The following ANKRD24 variants were observed in gnomAD, a reference collection of about 807,000 sequenced individuals.
The protein encoded by ANKRD24 is ankyrin repeat domain 24.
ANKRD24 carries 109 observed loss-of-function variants against 127.8 expected under a neutral mutation model. That is an observed-to-expected ratio of 0.85 (90% CI 0.73 to 1.00). ANKRD24 has a LOEUF of 1.00. Ranked by LOEUF, ANKRD24 falls within the 50% of genes least tolerant of loss-of-function variation. The pLI, the probability that ANKRD24 is intolerant of heterozygous loss-of-function variation, is 0.00. For synonymous variants in ANKRD24, 743 were observed against 671.1 expected, an observed-to-expected ratio of 1.11 and a Z score of -1.66; for missense variants, 1,648 against 1,570.2, an observed-to-expected ratio of 1.05 and a Z score of -0.84.
In ANKRD24 at chr19:4,200,151, T is replaced by A; in HGVS notation, c.323T>A (p.Val108Asp). The change falls in exon 5 of 22, where the codon GTC (valine) becomes GAC (aspartate). Residue 108 changes from valine (V) to aspartate (D), a missense_variant. Physicochemically the swap from Val to Asp is radical, Grantham distance 152. Coordinates refer to ENST00000318934, the MANE Select transcript of ANKRD24 (RefSeq NM_001393985.1). ...GTGATGATAGCTCATGGCAGCAATGTCATGAGCGCGGACGGGGCAGGTACT... is the reference window on the plus strand; with the variant it reads ...GTGATGATAGCTCATGGCAGCAATGACATGAGCGCGGACGGGGCAGGTACT... ...LEVMIAHGSN[V>D]MSADGAGYNA... 1 of 1,606,802 alleles carries A rather than the reference T, an allele frequency of 6.2e-7. No homozygotes were observed. The highest frequency in any genetic ancestry group is 8.5e-7 in the Non-Finnish European group (1 of 1,177,104).
Position 4,217,589 on chromosome 19 carries a change from C to A in ANKRD24, c.2429C>A (p.Ala810Glu). 7.7e-7 allele frequency: 1 copy of A among 1,305,906 alleles called. No homozygotes were observed. Among genetic ancestry groups the A allele is most frequent in the Non-Finnish European group, 9.7e-7 (1 of 1,031,834 alleles). The allele number at this position is 1,305,906 out of a possible 1,614,324, so 80.9% of individuals were successfully genotyped here. The change falls in exon 18 of 22, where the codon GCG becomes GAG. Residue 810 changes from alanine to glutamate, a missense_variant. Physicochemically the swap from Ala to Glu is moderately radical, Grantham distance 107. Coordinates refer to ENST00000318934, the MANE Select transcript of ANKRD24 (RefSeq NM_001393985.1). ...GACTCCCGCCTGCGGGAGCTGGAGG[C>A]GGCCTCGGCCTGCCTGGATGAGGCT... is the stretch of plus-strand genomic sequence containing the variant. ...DRDSRLRELE[A>E]ASACLDEARA...
Position 4,199,604 on chromosome 19 carries a change from TG to T in ANKRD24, c.37-74del. The T allele has an allele frequency of 6.8e-7, 1 of 1,460,946 alleles. No individual in the cohort carries two copies. The highest frequency in any genetic ancestry group is 9.0e-7 in the Non-Finnish European group (1 of 1,112,226). 90.5% of individuals were successfully genotyped at this position (1,460,946 alleles called of 1,614,324 possible). A position where few individuals can be genotyped will look rare whatever the true frequency, so the allele number is the denominator to read the frequency against. On this transcript the variant is annotated intron_variant, in intron 2 of 21. Coordinates refer to ENST00000318934, the MANE Select transcript of ANKRD24 (RefSeq NM_001393985.1). This position sits in a 1 kb window ranked among gnomAD's most constrained non-coding sequence, Gnocchi z 5.2. ...TGTTGGACAACTGGGGTGATGGGCC[TG>T]GGGGCAGATGCTGGGGGTCGCAGGC...
chr19:4,203,050 TTC>T, intron 7 of ANKRD24, 124 bp downstream of exon 7: 4 of 834,462 alleles, frequency 4.8e-6, no homozygotes, highest in Non-Finnish European at 7.1e-6. Flanking sequence ...CTTTCTTTCT[TTC>T]TTTTTTTTTT....
rs1413948266 is a variant in ANKRD24, at chr19:4,216,753, T to G, written c.1593T>G (p.Val531=). 1 of 1,582,286 alleles carries G rather than the reference T, an allele frequency of 6.3e-7. No homozygotes were observed. The highest frequency in any genetic ancestry group is 1.1e-5 in the South Asian group (1 of 86,990). Reference sequence around the variant, plus strand: ...GGGCAGCCTGTGGGGAGAGTGAGGTTGCTGGAGCCACGGCCACCAAAAACG... The same window carrying G: ...GGGCAGCCTGTGGGGAGAGTGAGGTGGCTGGAGCCACGGCCACCAAAAACG... The part of the protein sequence containing the change: ...EEGAACGESE[V]AGATATKNGP... The change falls in exon 18 of 22, where the codon GTT becomes GTG. Residue 531 remains valine, a synonymous_variant. Transcript: ENST00000318934.
At position 4,216,706 on chromosome 19, in the gene ANKRD24, C is replaced by T. The variant is rs979241268; in HGVS notation, c.1546C>T (p.Arg516Ter). Residue 516 changes from arginine to a stop codon, truncating the protein, a stop_gained, in exon 18 of 22, where the codon CGA becomes TGA. Coordinates refer to ENST00000318934, the MANE Select transcript of ANKRD24 (RefSeq NM_001393985.1). LOFTEE classifies it high-confidence loss of function. ...GCAGGCCCTGAGGCAGCAGGAGACA[C>T]GAGAGGTCCCCAGAGAAGAGGGGGC... ...ALQALRQQET[R>*]EVPREEGAAC... 3.7e-5 allele frequency: 58 copies of T among 1,580,238 alleles called. No individual in the cohort carries two copies. Among genetic ancestry groups the T allele is most frequent in the Non-Finnish European group, 4.8e-5 (56 of 1,163,700 alleles).
At chr19:4,218,400 A>G in intron 18 of ANKRD24, among the ~76,000 whole-genome samples, 1 of 151,736 alleles carries the variant, frequency 6.6e-6, no homozygotes, top group East Asian at 1.9e-4. Flanking sequence ...TCCCGGTTCA[A>G]GTGATTCTCC....
At chr19:4,209,066 T>C (rs1485015085) in intron 11 of ANKRD24, 3 of 398,742 alleles carry the variant, frequency 7.5e-6, no homozygotes, top group Admixed American at 8.6e-5. Flanking sequence ...GGTTGGTGTC[T>C]TCGGGGAAGG....
rs747619057 is a variant in ANKRD24, at chr19:4,219,670, G to C, written c.3083G>C (p.Arg1028Pro). The C allele has an allele frequency of 1.2e-6, 2 of 1,613,812 alleles. No homozygotes were observed. Among genetic ancestry groups the C allele is most frequent in the Non-Finnish European group, 1.7e-6 (2 of 1,179,824 alleles). ...AQLATAEQQL[R>P]GLRTEAERAR... The stretch of plus-strand genomic sequence containing the variant: ...CTGGCCACAGCAGAGCAGCAGCTAC[G>C]GGGGCTACGGACCGAGGCGGAAAGG... The change falls in exon 19 of 22, where the codon CGG becomes CCG. Residue 1028 changes from arginine (R) to proline (P), a missense_variant. Coordinates refer to ENST00000318934, the MANE Select transcript of ANKRD24 (RefSeq NM_001393985.1).
rs1397529646 is a variant in ANKRD24, at chr19:4,224,120, C to G, written c.3298-7C>G. 1.9e-6 allele frequency: 3 copies of G among 1,611,744 alleles called. No individual in the cohort carries two copies. Among genetic ancestry groups the G allele is most frequent in the South Asian group, 2.2e-5 (2 of 90,854 alleles). Reference sequence around the variant, plus strand: ...CTCTTCTGAGCGCCCCTTCCTCATGCCCACAGGAAGCTGCCAGGGACCACT... The same window carrying G: ...CTCTTCTGAGCGCCCCTTCCTCATGGCCACAGGAAGCTGCCAGGGACCACT... On this transcript the variant is annotated splice_region_variant and splice_polypyrimidine_tract_variant and intron_variant, in intron 20 of 21. Coordinates refer to ENST00000318934, the MANE Select transcript of ANKRD24 (RefSeq NM_001393985.1).
chr19:4,206,027 A>C (rs1969361298), intron 7 of ANKRD24, among the ~76,000 whole-genome samples: 1 of 151,694 alleles, frequency 6.6e-6, no homozygotes, highest in Non-Finnish European at 1.5e-5. Flanking sequence ...CTGTAGTCCC[A>C]GCTACTCGGG....
At position 4,198,214 on chromosome 19, in the gene ANKRD24, G is replaced by A; in HGVS notation, c.37-1469G>A. Reference sequence around the variant, plus strand: ...GTCCTCCTCATCCTCCAGGCGACAAGGTCAGGAGGGGCCGGGGCGGCGCCC... The same window carrying A: ...GTCCTCCTCATCCTCCAGGCGACAAAGTCAGGAGGGGCCGGGGCGGCGCCC... On this transcript the variant is annotated intron_variant, in intron 2 of 21. Transcript: ENST00000318934. This position sits in a 1 kb window ranked among gnomAD's most constrained non-coding sequence, Gnocchi z 6.1. The A allele has an allele frequency of 1.8e-6, 1 of 547,932 alleles. No homozygotes were observed. The highest frequency in any genetic ancestry group is 2.2e-5 in the South Asian group (1 of 44,570). 33.9% of individuals were successfully genotyped at this position (547,932 alleles called of 1,614,324 possible).
At chr19:4,184,902 G>A (rs1476619669) in intron 1 of ANKRD24, among the ~76,000 whole-genome samples, 2 of 150,610 alleles carry the variant, frequency 1.3e-5, no homozygotes, top group African/African-American at 2.4e-5. Context: ...ATGGAGGGAT[G>A]GATAAGTGGA....
intron 15 of ANKRD24, 39 bp from the exon 16 acceptor site, chr19:4,215,939 G>A (rs1284008795): frequency 6.5e-7 from 1 of 1,531,174 alleles, no homozygotes; most frequent in East Asian, 2.4e-5. Context: ...CGGGGGCTGA[G>A]AGCAGAACCC....
rs61742138 is a variant in ANKRD24, at chr19:4,217,061, G to T, written c.1901G>T (p.Gly634Val). The change falls in exon 18 of 22, where the codon GGA becomes GTA. Residue 634 changes from glycine to valine, a missense_variant. Transcript: ENST00000318934. Reference sequence around the variant, plus strand: ...CAGGCCACAGACACAGAGACCACGGGAGTGGAGGCCATGGGGGTGGAGGCC... The same window carrying T: ...CAGGCCACAGACACAGAGACCACGGTAGTGGAGGCCATGGGGGTGGAGGCC... ...GAQATDTETT[G>V]VEAMGVEATK... 1.9e-6 allele frequency: 3 copies of T among 1,613,746 alleles called. No homozygotes were observed. In the African/African-American group the frequency reaches 4.0e-5, roughly 22 times the overall value.
At position 4,207,731 on chromosome 19, in the gene ANKRD24, G is replaced by A. The variant is rs545457141; in HGVS notation, c.645-50G>A. 2.4e-5 allele frequency: 37 copies of A among 1,570,558 alleles called. No individual in the cohort carries two copies. In the East Asian group the frequency reaches 8.1e-4, roughly 34 times the overall value. ...CTGGCCTGGGTGCTGAGGTGGGCAT[G>A]GGGGCTTGGGGGATGTTCTCATCTC... On this transcript the variant is annotated intron_variant, in intron 9 of 21. Transcript: ENST00000318934.
Position 4,224,634 on chromosome 19 carries a change from C to A in ANKRD24, c.*129C>A. 1.2e-6 allele frequency: 1 copy of A among 866,514 alleles called. No homozygotes were observed. Among genetic ancestry groups the A allele is most frequent in the South Asian group, 1.6e-5 (1 of 63,476 alleles). The allele number at this position is 866,514 out of a possible 1,614,324, so 53.7% of individuals were successfully genotyped here. The stretch of plus-strand genomic sequence containing the variant: ...CCAGGCCCATGCACTTGGAGACCAG[C>A]CTGGTTCCCTGCCCGACCACCCCCA... On this transcript the variant is annotated 3_prime_UTR_variant, in exon 22 of 22. Coordinates refer to ENST00000318934, the MANE Select transcript of ANKRD24 (RefSeq NM_001393985.1).
At chr19:4,220,844 C>T (rs562039883) in intron 19 of ANKRD24, among the ~76,000 whole-genome samples, 4 of 151,922 alleles carry the variant, frequency 2.6e-5, no homozygotes, top group South Asian at 2.1e-4. Flanking sequence ...CGTGAGTCAC[C>T]GCGACCGGCC....
At chr19:4,183,960 T>G (rs1967895881) in intron 1 of ANKRD24, among the ~76,000 whole-genome samples, 1 of 152,158 alleles carries the variant, frequency 6.6e-6, no homozygotes, top group Non-Finnish European at 1.5e-5. Context: ...TAGAGCCGGT[T>G]GGGGTGACAT....
intron 20 of ANKRD24, among the ~76,000 whole-genome samples, chr19:4,223,372 C>CATACATATATATATATATATATATAT (rs1490877860): frequency 5.5e-5 from 4 of 72,904 alleles, no homozygotes; most frequent in African/African-American, 2.8e-4. Flanking sequence ...CCTGGCCATA[C>CATACATATATATATATATATATATAT]ATATATATAT....
Sources: allele counts gnomAD v4.1 joint callset (sites outside exome capture counted in the v4.1 genomes callset), GRCh38; gene constraint gnomAD v4.1.1; non-coding constraint Gnocchi (gnomAD v3.1); transcripts MANE v1.5; gene names NCBI Gene and HGNC (gene_info 2026-07-23, HGNC 2026-07-21).